MFSD6: variants seen among roughly 807,000 people sequenced by gnomAD.
MFSD6 encodes the protein major facilitator superfamily domain containing 6.
Under a neutral mutation model 56.3 loss-of-function variants are expected in MFSD6, and 26 were observed. That is an observed-to-expected ratio of 0.46 (90% CI 0.34 to 0.64). MFSD6 has a LOEUF of 0.64. Among genes scored for constraint, MFSD6 ranks in the 30% least tolerant of loss-of-function variants. The probability of loss-of-function intolerance (pLI) is 0.01; values close to 1 mark genes in which losing one functional copy is unlikely to be tolerated. For missense variants in MFSD6, 750 were observed against 986.2 expected (o/e 0.76, Z 3.21); for synonymous variants, 331 against 366.9 (o/e 0.90, Z 1.12).
rs1687572263 is a variant in MFSD6 at position 190,465,741 on chromosome 2, C to T, written c.1533-4017C>T. Reference sequence around the variant, plus strand: ...GGCGTGGTGGCTCACGCCTATAATCCCAGCACTTTGGGAGGCCGAGGCAGG... The same window carrying T: ...GGCGTGGTGGCTCACGCCTATAATCTCAGCACTTTGGGAGGCCGAGGCAGG... On this transcript the variant is annotated intron_variant, in intron 3 of 7. Transcript: ENST00000392328. This position sits in a 1 kb window ranked among gnomAD's most constrained non-coding sequence, Gnocchi z 4.6. Among the ~76,000 whole-genome samples, 1 of 152,014 alleles carries T rather than the reference C, an allele frequency of 6.6e-6. No individual in the cohort carries two copies. The highest frequency in any genetic ancestry group is 2.4e-5 in the African/African-American group (1 of 41,372).
chr2:190,432,296 G>C (rs1686031264), intron 2 of MFSD6, among the ~76,000 whole-genome samples: 1 of 152,222 alleles, frequency 6.6e-6, no homozygotes, highest in Admixed American at 6.5e-5. Context: ...AAGTGGGATG[G>C]GGAAAGGGGC....
At position 190,436,632 on chromosome 2, in the gene MFSD6, T is replaced by C. The variant is rs1479970297; in HGVS notation, c.603T>C (p.Leu201=). 6.2e-7 allele frequency: 1 copy of C among 1,614,164 alleles called. No homozygotes were observed. The change falls in exon 3 of 8, where the codon CTT becomes CTC. Residue 201 remains leucine, a synonymous_variant. Coordinates refer to ENST00000392328, the MANE Select transcript of MFSD6 (RefSeq NM_017694.4). This position sits in a 1 kb window ranked among gnomAD's most constrained non-coding sequence, Gnocchi z 5.3. ...ISPKMREKRN[L]LETRLNVSDT... Reference sequence around the variant, plus strand: ...CAAAAATGCGTGAGAAAAGAAACCTTTTGGAAACAAGGCTCAATGTCTCAG... The same window carrying C: ...CAAAAATGCGTGAGAAAAGAAACCTCTTGGAAACAAGGCTCAATGTCTCAG...
Position 190,497,791 on chromosome 2 carries a change from A to G in MFSD6, c.2172+72A>G, listed in dbSNP as rs1262979907. ...ACCTTAACTGGGCTCAGTTTTAATTACTCACTTTTCATTCAACAAGATTTA... is the reference window on the plus strand; with the variant it reads ...ACCTTAACTGGGCTCAGTTTTAATTGCTCACTTTTCATTCAACAAGATTTA... On this transcript the variant is annotated intron_variant, in intron 7 of 7. Coordinates refer to ENST00000392328, the MANE Select transcript of MFSD6 (RefSeq NM_017694.4). The surrounding 1 kb of genome is among the most constrained non-coding windows in gnomAD (Gnocchi z 5.2). 2 of 1,476,912 alleles carry G rather than the reference A, an allele frequency of 1.4e-6. No individual in the cohort carries two copies. Among genetic ancestry groups the G allele is most frequent in the Non-Finnish European group, 9.2e-7 (1 of 1,087,642 alleles). The allele number at this position is 1,476,912 out of a possible 1,614,324, so 91.5% of individuals were successfully genotyped here.
chr2:190,467,614 A>G lies in MFSD6; in HGVS notation c.1533-2144A>G, dbSNP rs1424992563. Among the ~76,000 whole-genome samples the G allele has an allele frequency of 6.6e-6, 1 of 152,210 alleles. No individual in the cohort carries two copies. Among genetic ancestry groups the G allele is most frequent in the Non-Finnish European group, 1.5e-5 (1 of 68,036 alleles). On this transcript the variant is annotated intron_variant, in intron 3 of 7. Transcript: ENST00000392328. This position sits in a 1 kb window ranked among gnomAD's most constrained non-coding sequence, Gnocchi z 5.5. ...GGCAACAGAGCGAGACTCTGTCTCA[A>G]AAAAAGAAAAAGAATTAAGGAGCGA...
At chr2:190,428,243 C>G (rs560635124) in intron 2 of MFSD6, among the ~76,000 whole-genome samples, 36 of 152,150 alleles carry the variant, frequency 2.4e-4, no homozygotes, top group Non-Finnish European at 4.7e-4. Flanking sequence ...ATTTATGTAT[C>G]TGCTGTAGAC....
At position 190,488,841 on chromosome 2, in the gene MFSD6, T is replaced by C; in HGVS notation, c.1792+23T>C. On this transcript the variant is annotated intron_variant, in intron 5 of 7. Transcript: ENST00000392328. This position sits in a 1 kb window ranked among gnomAD's most constrained non-coding sequence, Gnocchi z 6.4. ...TTGGTAAGAATGGCTTTCTCCTTTT[T>C]TTTCTTTTCTATTATTAAAACATGA... 6.6e-7 allele frequency: 1 copy of C among 1,514,100 alleles called. No homozygotes were observed. The highest frequency in any genetic ancestry group is 8.8e-7 in the Non-Finnish European group (1 of 1,130,470). The allele number at this position is 1,514,100 out of a possible 1,614,324, so 93.8% of individuals were successfully genotyped here.
Position 190,484,746 on chromosome 2 carries a change from T to G in MFSD6, c.1631-3911T>G, listed in dbSNP as rs116451811. Among the ~76,000 whole-genome samples the G allele has an allele frequency of 8.0e-3, 1,212 of 152,278 alleles. 7 individuals carry two copies. The highest frequency in any genetic ancestry group is 0.026 in the African/African-American group (1,100 of 41,546). On this transcript the variant is annotated intron_variant, in intron 4 of 7. Transcript: ENST00000392328. The stretch of plus-strand genomic sequence containing the variant: ...AATCCCTTCTTACGGATTGCTACAT[T>G]TTGCTGGTTTCCTATCTAAGAAATG...
At chr2:190,486,285 T>C (rs2125226126) in intron 4 of MFSD6, among the ~76,000 whole-genome samples, 1 of 152,330 alleles carries the variant, frequency 6.6e-6, no homozygotes, top group East Asian at 1.9e-4. Context: ...TTCTCTGAAA[T>C]GGTTTTGGGT....
intron 2 of MFSD6, among the ~76,000 whole-genome samples, chr2:190,430,363 T>C (rs1398346123): frequency 6.6e-6 from 1 of 151,354 alleles, no homozygotes; most frequent in African/African-American, 2.4e-5. Flanking sequence ...CCTTCCGCAG[T>C]GTTTGTGTCC....
Position 190,490,010 on chromosome 2 carries a change from T to C in MFSD6, c.1891+144T>C, listed in dbSNP as rs1294526201. 4.8e-6 allele frequency: 3 copies of C among 620,476 alleles called. No individual in the cohort carries two copies. The highest frequency in any genetic ancestry group is 3.7e-5 in the African/African-American group (2 of 54,240). 38.4% of individuals were successfully genotyped at this position (620,476 alleles called of 1,614,324 possible). ...TCTGAGTGGCGTATCGATGAATTCA[T>C]GTGGACTATTGTTAAAGAGATCCAC... On this transcript the variant is annotated intron_variant, in intron 6 of 7. Transcript: ENST00000392328. This position sits in a 1 kb window ranked among gnomAD's most constrained non-coding sequence, Gnocchi z 4.5.
intron 1 of MFSD6, among the ~76,000 whole-genome samples, chr2:190,408,995 CCA>C (rs1045286916): frequency 6.6e-6 from 1 of 152,206 alleles, no homozygotes; most frequent in Non-Finnish European, 1.5e-5. Flanking sequence ...CCACACAGCC[CCA>C]GTGACAAGGA....
At chr2:190,449,808 G>GA (rs1183803657) in intron 3 of MFSD6, among the ~76,000 whole-genome samples, 1 of 151,670 alleles carries the variant, frequency 6.6e-6, no homozygotes, top group Non-Finnish European at 1.5e-5. Flanking sequence ...GGTGGGAACT[G>GA]AACAATGAGA....
intron 3 of MFSD6, among the ~76,000 whole-genome samples, chr2:190,450,655 G>C (rs1686747076): frequency 6.6e-6 from 1 of 151,730 alleles, no homozygotes. Context: ...ACCATGCCCA[G>C]CTAAGTTTTG....
Position 190,492,670 on chromosome 2 carries a change from C to G in MFSD6, c.1891+2804C>G, listed in dbSNP as rs1689425094. Among the ~76,000 whole-genome samples the G allele has an allele frequency of 6.6e-6, 1 of 152,056 alleles. No homozygotes were observed. The highest frequency in any genetic ancestry group is 2.4e-5 in the African/African-American group (1 of 41,410). ...AATGCTAACAAAACAAAACAATTAC[C>G]AGCCAAGAATTTTGTATCCAGTGAA... is the stretch of plus-strand genomic sequence containing the variant. On this transcript the variant is annotated intron_variant, in intron 6 of 7. Transcript: ENST00000392328. This position sits in a 1 kb window ranked among gnomAD's most constrained non-coding sequence, Gnocchi z 5.2.
chr2:190,464,593 T>C (rs1279165656), intron 3 of MFSD6, among the ~76,000 whole-genome samples: 1 of 152,184 alleles, frequency 6.6e-6, no homozygotes, highest in Non-Finnish European at 1.5e-5. Flanking sequence ...CCTTGTTCGC[T>C]TTGTTTCCTC....
At chr2:190,450,055 A>G (rs1686723201) in intron 3 of MFSD6, among the ~76,000 whole-genome samples, 1 of 152,120 alleles carries the variant, frequency 6.6e-6, no homozygotes, top group South Asian at 2.1e-4. Context: ...AGAAATCAAG[A>G]TACCAAAAAG....
rs71027223 is a variant in MFSD6 at position 190,468,619 on chromosome 2, A to ATT, written c.1533-1121_1533-1120dup. ...AGGTGTGTGCCACCAAGCCTGGCTAATTTTTTTTTTTTTTTTTTTGGTAGA... is the reference window on the plus strand; with the variant it reads ...AGGTGTGTGCCACCAAGCCTGGCTAATTTTTTTTTTTTTTTTTTTTTGGTAGA... On this transcript the variant is annotated intron_variant, in intron 3 of 7. Coordinates refer to ENST00000392328, the MANE Select transcript of MFSD6 (RefSeq NM_017694.4). 4.1e-4 allele frequency among the ~76,000 whole-genome samples: 52 copies of ATT among 128,020 alleles called. No individual in the cohort carries two copies. In the South Asian group the frequency reaches 8.7e-3, roughly 21 times the overall value. The allele number at this position is 128,020 out of a possible 152,430, so 84.0% of individuals were successfully genotyped here.
chr2:190,453,144 G>A (rs1176427676), intron 3 of MFSD6, among the ~76,000 whole-genome samples: 1 of 151,972 alleles, frequency 6.6e-6, no homozygotes, highest in African/African-American at 2.4e-5. Flanking sequence ...CATTGGGAGT[G>A]GATATAAAAT....
rs768529133 is a variant in MFSD6, at chr2:190,433,950, G to T, written c.-53-2027G>T. On this transcript the variant is annotated intron_variant, in intron 2 of 7. Coordinates refer to ENST00000392328, the MANE Select transcript of MFSD6 (RefSeq NM_017694.4). This position sits in a 1 kb window ranked among gnomAD's most constrained non-coding sequence, Gnocchi z 4.5. ...TCACGCCTGTAATCCCAGCACTTTG[G>T]GAGGCTGAGGCAAGAGGATCACTTG... Among the ~76,000 whole-genome samples the T allele has an allele frequency of 2.6e-5, 4 of 152,122 alleles. No homozygotes were observed. Among genetic ancestry groups the T allele is most frequent in the Non-Finnish European group, 5.9e-5 (4 of 68,020 alleles).
Sources: allele counts gnomAD v4.1 joint callset (sites outside exome capture counted in the v4.1 genomes callset), GRCh38; gene constraint gnomAD v4.1.1; non-coding constraint Gnocchi (gnomAD v3.1); transcripts MANE v1.5; gene names NCBI Gene and HGNC (gene_info 2026-07-23, HGNC 2026-07-21).